CPA6: variants seen among roughly 807,000 people sequenced by gnomAD.
The protein encoded by CPA6 is carboxypeptidase B.
CPA6 carries 58 observed loss-of-function variants against 63.3 expected under a neutral mutation model. That is an observed-to-expected ratio of 0.92 (90% CI 0.74 to 1.14). The LOEUF (loss-of-function observed/expected upper bound fraction) is 1.14. Among genes scored for constraint, CPA6 ranks in the 50% most tolerant of loss-of-function variants. CPA6 has a pLI of 0.00. For missense variants in CPA6, 565 were observed against 526.6 expected (o/e 1.07, Z -0.71); for synonymous variants, 185 against 179.0 (o/e 1.03, Z -0.27).
intron 1 of CPA6, among the ~76,000 whole-genome samples, chr8:67,631,941 G>T (rs1050142715): frequency 6.6e-6 from 1 of 152,052 alleles, no homozygotes; most frequent in South Asian, 2.1e-4. Flanking sequence ...CTCTGAACAT[G>T]TCCGAACATC....
chr8:67,546,944 C>T lies in CPA6; in HGVS notation c.193-28897G>A, dbSNP rs574369860. Reference sequence around the variant, plus strand: ...GGCACAAGCAATTCTTCTGCCTCAGCCTTCCAAGTCACTGGAACTACAGGT... The same window carrying T: ...GGCACAAGCAATTCTTCTGCCTCAGTCTTCCAAGTCACTGGAACTACAGGT... On this transcript the variant is annotated intron_variant, in intron 2 of 10. Coordinates refer to ENST00000297770, the MANE Select transcript of CPA6 (RefSeq NM_020361.5). 2.6e-4 allele frequency among the ~76,000 whole-genome samples: 39 copies of T among 152,352 alleles called. 1 individual carries two copies. Among genetic ancestry groups the T allele is most frequent in the Middle Eastern group, 6.8e-3 (2 of 294 alleles).
intron 2 of CPA6, among the ~76,000 whole-genome samples, chr8:67,559,992 C>T (rs1445989141): frequency 6.6e-6 from 1 of 151,722 alleles, no homozygotes; most frequent in Non-Finnish European, 1.5e-5. Context: ...TGGAAAAAGC[C>T]CTTACTCAAC....
chr8:67,442,501 A>G (rs1437495645), intron 8 of CPA6, among the ~76,000 whole-genome samples: 1 of 152,180 alleles, frequency 6.6e-6, no homozygotes, highest in Non-Finnish European at 1.5e-5. Context: ...ATCTAGAGGG[A>G]TAGATATGAG....
intron 8 of CPA6, among the ~76,000 whole-genome samples, chr8:67,460,836 T>C (rs1810782964): frequency 6.6e-6 from 1 of 152,164 alleles, no homozygotes; most frequent in Admixed American, 6.5e-5. Flanking sequence ...TCACTTTCCC[T>C]CAATCTGTTT....
At chr8:67,719,202 A>G (rs532138454) in intron 1 of CPA6, among the ~76,000 whole-genome samples, 10 of 152,188 alleles carry the variant, frequency 6.6e-5, no homozygotes, top group Non-Finnish European at 1.2e-4. Flanking sequence ...GGTGCTTAGA[A>G]CTGGGGGAAC....
rs370700186 is a variant in CPA6 at position 67,502,104 on chromosome 8, T to C, written c.636+4683A>G. Among the ~76,000 whole-genome samples the C allele has an allele frequency of 4.6e-5, 7 of 152,324 alleles. No individual in the cohort carries two copies. The East Asian group carries it at 7.7e-4, about 17-fold the overall frequency. On this transcript the variant is annotated intron_variant, in intron 6 of 10. Transcript: ENST00000297770. ...GTGATATTCCATTTCATTTCTGATA[T>C]TGGTAATTTGCATCTTCTTATTTTC...
intron 1 of CPA6, among the ~76,000 whole-genome samples, chr8:67,739,526 T>C (rs1189665984): frequency 6.6e-6 from 1 of 152,176 alleles, no homozygotes; most frequent in African/African-American, 2.4e-5. Flanking sequence ...CCCCCAAATG[T>C]AGAGCACATA....
intron 8 of CPA6, among the ~76,000 whole-genome samples, chr8:67,479,648 G>T (rs1043295996): frequency 6.6e-6 from 1 of 152,126 alleles, no homozygotes; most frequent in African/African-American, 2.4e-5. Context: ...ATTGCAATCC[G>T]CTATAGGCAT....
chr8:67,483,307 C>A (rs113053388), intron 8 of CPA6: 38 of 156,482 alleles, frequency 2.4e-4, no homozygotes, highest in Admixed American at 5.1e-4. Context: ...GAAATACATT[C>A]CCAATGTGCA....
In CPA6 at chr8:67,482,604, C is replaced by T. The variant is rs192595949; in HGVS notation, c.838+1164G>A. On this transcript the variant is annotated intron_variant, in intron 8 of 10. Coordinates refer to ENST00000297770, the MANE Select transcript of CPA6 (RefSeq NM_020361.5). ...AACTGATCTGAGGCTTAGAGGTGAA[C>T]TGACTGTTCTGGGGGTCAGGGAACA... 1.8e-3 allele frequency among the ~76,000 whole-genome samples: 278 copies of T among 152,272 alleles called. 2 individuals carry two copies. Among genetic ancestry groups the T allele is most frequent in the Middle Eastern group, 0.01 (3 of 294 alleles).
intron 8 of CPA6, among the ~76,000 whole-genome samples, chr8:67,480,288 T>C (rs1811330768): frequency 6.6e-6 from 1 of 152,124 alleles, no homozygotes; most frequent in Admixed American, 6.5e-5. Context: ...TCACATCTCA[T>C]TCTAGAATGT....
At chr8:67,685,692 T>TA (rs565039367) in intron 1 of CPA6, among the ~76,000 whole-genome samples, 3 of 152,204 alleles carry the variant, frequency 2.0e-5, no homozygotes, top group African/African-American at 7.2e-5. Context: ...ATCGTGCCTG[T>TA]AAAAAATTCA....
intron 2 of CPA6, among the ~76,000 whole-genome samples, chr8:67,583,622 C>A (rs886497429): frequency 6.6e-6 from 1 of 152,058 alleles, no homozygotes. Flanking sequence ...GATGGTCACA[C>A]CAAGGGCTGT....
At chr8:67,460,503 A>C (rs1487616016) in intron 8 of CPA6, among the ~76,000 whole-genome samples, 1 of 152,228 alleles carries the variant, frequency 6.6e-6, no homozygotes, top group Non-Finnish European at 1.5e-5. Flanking sequence ...GTTTTGAATC[A>C]TATTATTACT....
chr8:67,715,928 T>C (rs1385724175), intron 1 of CPA6, among the ~76,000 whole-genome samples: 1 of 151,818 alleles, frequency 6.6e-6, no homozygotes, highest in Admixed American at 6.6e-5. Context: ...CCGAGACGGG[T>C]GGATCACCTA....
intron 6 of CPA6, among the ~76,000 whole-genome samples, chr8:67,501,360 G>A (rs987382695): frequency 2.6e-5 from 4 of 151,890 alleles, no homozygotes; most frequent in South Asian, 2.1e-4. Flanking sequence ...CAGTGTCCAC[G>A]TGTTCATTGC....
chr8:67,422,864 C>A (rs1305818056), intron 10 of CPA6, among the ~76,000 whole-genome samples, 173 bp from the exon 11 acceptor site: 1 of 152,164 alleles, frequency 6.6e-6, no homozygotes, highest in Non-Finnish European at 1.5e-5. Flanking sequence ...GTGCATGGAA[C>A]TTATAAATCA....
At chr8:67,485,040 A>G (rs544056813) in intron 6 of CPA6, among the ~76,000 whole-genome samples, 1 of 152,358 alleles carries the variant, frequency 6.6e-6, no homozygotes, top group East Asian at 1.9e-4. Flanking sequence ...ATCGTAATTA[A>G]GATCTGGCTA....
intron 1 of CPA6, among the ~76,000 whole-genome samples, chr8:67,707,993 A>C (rs911077378): frequency 5.9e-5 from 9 of 152,152 alleles, no homozygotes; most frequent in Non-Finnish European, 1.0e-4. Flanking sequence ...CCTTGTCTAC[A>C]CAGTCCCTGT....
Sources: allele counts gnomAD v4.1 joint callset (sites outside exome capture counted in the v4.1 genomes callset), GRCh38; gene constraint gnomAD v4.1.1; transcripts MANE v1.5; gene names NCBI Gene and HGNC (gene_info 2026-07-23, HGNC 2026-07-21).